The following TG variants were observed in gnomAD, a reference collection of about 807,000 sequenced individuals.
TG encodes thyroid hormones.
TG carries 270 observed loss-of-function variants against 324.7 expected under a neutral mutation model. The observed-to-expected ratio is 0.83, with a 90% CI of 0.75 to 0.92. The LOEUF is 0.92. Among genes scored for constraint, TG ranks in the 40% least tolerant of loss-of-function variants. TG has a pLI of 0.00. For missense variants in TG, 3,591 were observed against 3,456.4 expected, an observed-to-expected ratio of 1.04 and a Z score of -0.98; for synonymous variants, 1,401 against 1,327.0, an observed-to-expected ratio of 1.06 and a Z score of -1.21.
In TG at chr8:133,123,541, C is replaced by A. The variant is rs562795683; in HGVS notation, c.7862+6825C>A. Among the ~76,000 whole-genome samples the A allele has an allele frequency of 2.6e-5, 4 of 152,296 alleles. No homozygotes were observed. The South Asian group carries it at 8.3e-4, about 32-fold the overall frequency. On this transcript the variant is annotated intron_variant, in intron 45 of 47. Coordinates refer to ENST00000220616, the MANE Select transcript of TG (RefSeq NM_003235.5). ...TTCTGCTGGGATCCTTCCCTCCCTG[C>A]CCGTCTCTGGTATTTCCATCTCTTT... is the stretch of plus-strand genomic sequence containing the variant.
chr8:132,916,541 C>G (rs1820308893), intron 20 of TG, among the ~76,000 whole-genome samples: 1 of 152,218 alleles, frequency 6.6e-6, no homozygotes, highest in African/African-American at 2.4e-5. Context: ...GCAGGATTCT[C>G]TGTGTCATCC....
chr8:132,964,256 C>G (rs189055311), intron 29 of TG, among the ~76,000 whole-genome samples: 1 of 152,228 alleles, frequency 6.6e-6, no homozygotes, highest in East Asian at 1.9e-4. Flanking sequence ...GATGCTCCCC[C>G]TGCCCCCTGC....
At chr8:133,124,401 G>T (rs187036614) in intron 45 of TG, among the ~76,000 whole-genome samples, 3 of 152,138 alleles carry the variant, frequency 2.0e-5, no homozygotes, top group Non-Finnish European at 2.9e-5. Flanking sequence ...ATCTACTCAC[G>T]CCCCATAGAG....
In TG at chr8:132,911,524, C is replaced by T. The variant is rs1440728508; in HGVS notation, c.4150C>T (p.His1384Tyr). The change falls in exon 19 of 48, where the codon CAT (histidine) becomes TAT (tyrosine). Residue 1384 changes from histidine (H) to tyrosine (Y), a missense_variant. By Grantham distance (83) the His-to-Tyr change is moderately conservative (BLOSUM62 2). Transcript: ENST00000220616. ...DIPVASLPDL[H>Y]DIERALVGKD... ...CCCAGTGGCTTCTCTTCCTGACTTA[C>T]ATGACATTGGTATGTTTTTCTGTGG... 1.2e-6 allele frequency: 2 copies of T among 1,613,386 alleles called. No individual in the cohort carries two copies. Among genetic ancestry groups the T allele is most frequent in the South Asian group, 1.1e-5 (1 of 91,048 alleles).
At chr8:133,039,505 G>A (rs1406345559) in intron 41 of TG, among the ~76,000 whole-genome samples, 1 of 152,128 alleles carries the variant, frequency 6.6e-6, no homozygotes, top group Non-Finnish European at 1.5e-5. Flanking sequence ...CCAAACTACA[G>A]ATATCCTTTA....
chr8:133,002,965 T>C, intron 35 of TG: 1 of 1,018,190 alleles, frequency 9.8e-7, no homozygotes, highest in Non-Finnish European at 1.2e-6. Context: ...GCCTACCATA[T>C]CACCTTTCTT....
chr8:133,011,812 T>G, intron 35 of TG, 89 bp from the exon 36 acceptor site: 1 of 1,563,256 alleles, frequency 6.4e-7, no homozygotes, highest in Non-Finnish European at 8.8e-7. Flanking sequence ...CCCCTAAGGC[T>G]GCCTTTGGGG....
chr8:133,057,709 A>G (rs1434458350), intron 41 of TG, among the ~76,000 whole-genome samples: 3 of 151,908 alleles, frequency 2.0e-5, no homozygotes, highest in African/African-American at 7.3e-5. Flanking sequence ...GGTTTAAGAC[A>G]TTAGTTCCTG....
intron 35 of TG, among the ~76,000 whole-genome samples, chr8:133,011,288 G>C (rs778356236): frequency 6.6e-6 from 1 of 152,154 alleles, no homozygotes; most frequent in African/African-American, 2.4e-5. Context: ...GCTGTCCATG[G>C]GGAAGGGGAG....
chr8:132,895,060 C>G (rs1039743453), intron 11 of TG, among the ~76,000 whole-genome samples: 4 of 152,240 alleles, frequency 2.6e-5, no homozygotes, highest in African/African-American at 9.6e-5. Flanking sequence ...CTGCCTCATC[C>G]TAGAGCCCTT....
Position 132,882,782 on chromosome 8 carries a change from ACT to A in TG, c.890-31_890-30del, listed in dbSNP as rs1281546737. The A allele has an allele frequency of 3.1e-6, 5 of 1,614,094 alleles. No individual in the cohort carries two copies. In the South Asian group the frequency reaches 5.5e-5, roughly 18 times the overall value. ...TGTGAAGACACCAAGCATTGTTGAC[ACT>A]GTCTTCTTTACTGTGTGGATTTCCT... On this transcript the variant is annotated intron_variant, in intron 7 of 47. Coordinates refer to ENST00000220616, the MANE Select transcript of TG (RefSeq NM_003235.5).
intron 9 of TG, 34 bp from the exon 10 acceptor site, chr8:132,887,950 T>C (rs780495590): frequency 6.3e-7 from 1 of 1,581,920 alleles, no homozygotes; most frequent in Non-Finnish European, 8.6e-7. Context: ...TTAAATTTCT[T>C]AAACTGAAAC....
chr8:132,976,913 C>T (rs72727464), intron 34 of TG, among the ~76,000 whole-genome samples: 50 of 152,270 alleles, frequency 3.3e-4, no homozygotes, highest in Non-Finnish European at 6.0e-4. Flanking sequence ...TTATTTCCTC[C>T]TAAGACCTAG....
chr8:133,133,776 A>G, intron 47 of TG, 116 bp downstream of exon 47: 1 of 1,159,182 alleles, frequency 8.6e-7, no homozygotes. Context: ...ACCAGTGCCA[A>G]TGGCACAGCC....
chr8:133,094,439 AC>A (rs1564183316), intron 41 of TG, among the ~76,000 whole-genome samples: 1 of 151,776 alleles, frequency 6.6e-6, no homozygotes, highest in East Asian at 1.9e-4. Context: ...ATGGGGTTTC[AC>A]TGTGTTAGCC....
chr8:132,896,973 C>G (rs1173439857), intron 11 of TG, among the ~76,000 whole-genome samples: 1 of 152,188 alleles, frequency 6.6e-6, no homozygotes, highest in African/African-American at 2.4e-5. Context: ...CATATAACCT[C>G]CCTCGCTGAG....
intron 21 of TG, among the ~76,000 whole-genome samples, 165 bp downstream of exon 21, chr8:132,919,690 G>GCCAGTAGCACTCCTCCCTAAGTTGTGA (rs1820852491): frequency 6.6e-6 from 1 of 152,196 alleles, no homozygotes; most frequent in South Asian, 2.1e-4. Context: ...GCTCTCAGAT[G>GCCAGTAGCACTCCTCCCTAAGTTGTGA]CCAGTAGCAC....
At chr8:132,945,235 A>G (rs1325797990) in intron 26 of TG, among the ~76,000 whole-genome samples, 3 of 152,108 alleles carry the variant, frequency 2.0e-5, no homozygotes, top group Admixed American at 6.5e-5. Flanking sequence ...GGTAGAAGGT[A>G]TGGTATCCTG....
rs781127321 is a variant in TG at position 133,047,918 on chromosome 8, G to T, written c.7239+17895G>T. The T allele has an allele frequency of 5.0e-6, 8 of 1,608,908 alleles. 1 individual carries two copies. The highest frequency in any genetic ancestry group is 4.2e-6 in the Non-Finnish European group (5 of 1,176,700). ...GCTCCTCGGCCTTGTCTCTGCCCAG[G>T]CCCTCAAACAGCCAGCTGGGAAGGA... On this transcript the variant is annotated intron_variant, in intron 41 of 47. Coordinates refer to ENST00000220616, the MANE Select transcript of TG (RefSeq NM_003235.5).
Sources: gnomAD v4.1 joint callset for allele counts (sites outside exome capture counted in the v4.1 genomes callset) on GRCh38, gnomAD v4.1.1 for gene constraint, MANE v1.5 for transcripts, NCBI Gene and HGNC (gene_info 2026-07-23, HGNC 2026-07-21) for gene names.